The following KPNA3 variants were observed in gnomAD, a reference collection of about 807,000 sequenced individuals.
KPNA3 encodes the protein importin subunit alpha-4.
KPNA3 carries 13 observed loss-of-function variants against 73.8 expected under a neutral mutation model. The ratio of observed to expected loss-of-function variants is 0.18; its 90% CI spans 0.11 to 0.28. The LOEUF (loss-of-function observed/expected upper bound fraction) is 0.28, where lower values mean the gene tolerates loss of function less well. Ranked by LOEUF, KPNA3 falls within the 10% of genes least tolerant of loss-of-function variation. The probability of loss-of-function intolerance (pLI) is 1.00; values close to 1 mark genes in which losing one functional copy is unlikely to be tolerated. For synonymous variants in KPNA3, 186 were observed against 206.9 expected, an observed-to-expected ratio of 0.90 and a Z score of 0.87; for missense variants, 360 against 618.1, an observed-to-expected ratio of 0.58 and a Z score of 4.43.
chr13:49,705,887 C>T (rs1954203162), intron 14 of KPNA3, 104 bp from the exon 15 acceptor site: 2 of 1,145,302 alleles, frequency 1.7e-6, no homozygotes, highest in African/African-American at 1.6e-5. Context: ...ATCTTGAGCC[C>T]AGGAGTTGGA....
intron 1 of KPNA3, among the ~76,000 whole-genome samples, chr13:49,753,470 A>G (rs1299901904): frequency 1.3e-5 from 2 of 152,246 alleles, no homozygotes; most frequent in Non-Finnish European, 2.9e-5. Context: ...TGAAGAATCT[A>G]ATAGAGAATG....
intron 15 of KPNA3, among the ~76,000 whole-genome samples, chr13:49,703,147 C>T (rs1243763719): frequency 2.1e-5 from 3 of 144,720 alleles, no homozygotes; most frequent in South Asian, 2.2e-4. Context: ...GGATTACAGG[C>T]GTGAGCCACT....
intron 6 of KPNA3, among the ~76,000 whole-genome samples, chr13:49,729,933 T>C (rs1465936483): frequency 6.6e-6 from 1 of 152,222 alleles, no homozygotes; most frequent in East Asian, 1.9e-4. Flanking sequence ...TGGATTTTTA[T>C]CAACAGCAAA....
intron 1 of KPNA3, among the ~76,000 whole-genome samples, chr13:49,768,515 C>A (rs896037387): frequency 1.4e-5 from 2 of 140,186 alleles, no homozygotes; most frequent in African/African-American, 5.4e-5. Context: ...TTGATCATCT[C>A]GTTTGTTTTT....
rs191311787 is a variant in KPNA3, at chr13:49,763,925, G to T, written c.70-16932C>A. Among the ~76,000 whole-genome samples, 10 of 152,204 alleles carry T rather than the reference G, an allele frequency of 6.6e-5. No homozygotes were observed. The East Asian group carries it at 1.7e-3, about 26-fold the overall frequency. ...CAAAAAGATTTTTAAAAATTAGCTG[G>T]GTGTGGTGCTGTGCACCTGGAGTCT... On this transcript the variant is annotated intron_variant, in intron 1 of 16. Coordinates refer to ENST00000261667, the MANE Select transcript of KPNA3 (RefSeq NM_002267.4).
At chr13:49,764,918 C>G (rs201594102) in intron 1 of KPNA3, among the ~76,000 whole-genome samples, 1 of 152,328 alleles carries the variant, frequency 6.6e-6, no homozygotes, top group South Asian at 2.1e-4. Flanking sequence ...ACATTATCAG[C>G]AACCTTCTAT....
At chr13:49,742,360 A>G (rs1440029935) in intron 2 of KPNA3, among the ~76,000 whole-genome samples, 2 of 140,816 alleles carry the variant, frequency 1.4e-5, no homozygotes, top group African/African-American at 4.9e-5. Context: ...TACTTGTAGT[A>G]GGACCAAAAA....
At chr13:49,732,533 T>C (rs1954479674) in intron 5 of KPNA3, 67 bp from the exon 6 acceptor site, 2 of 1,448,250 alleles carry the variant, frequency 1.4e-6, no homozygotes, top group Non-Finnish European at 1.9e-6. Flanking sequence ...TAACAACATA[T>C]TAACTTCTAG....
chr13:49,776,335 A>G (rs981310572), intron 1 of KPNA3, among the ~76,000 whole-genome samples: 9 of 152,240 alleles, frequency 5.9e-5, no homozygotes, highest in African/African-American at 2.2e-4. Context: ...AGTCCCTGAC[A>G]GTAACTTTAA....
At position 49,792,453 on chromosome 13, in the gene KPNA3, C is replaced by T. The variant is rs779399471; in HGVS notation, c.54G>A (p.Lys18=). ...ENHRIKSFKN[K]GRDVETMRRH... ...GCACACTCACTTCCACATCGCGGCC[C>T]TTGTTCTTGAAGCTCTTGATGCGGT... The change falls in exon 1 of 17, where the codon AAG becomes AAA. Residue 18 remains lysine, a synonymous_variant. Transcript: ENST00000261667. 1.3e-6 allele frequency: 2 copies of T among 1,580,340 alleles called. No individual in the cohort carries two copies. Among genetic ancestry groups the T allele is most frequent in the Admixed American group, 1.8e-5 (1 of 56,650 alleles).
intron 1 of KPNA3, among the ~76,000 whole-genome samples, chr13:49,782,482 G>A (rs1344301469): frequency 6.6e-6 from 1 of 152,110 alleles, no homozygotes; most frequent in Non-Finnish European, 1.5e-5. Context: ...CTAGCCATAT[G>A]CTTAAGTATC....
At chr13:49,779,951 A>C (rs1201318203) in intron 1 of KPNA3, among the ~76,000 whole-genome samples, 1 of 151,986 alleles carries the variant, frequency 6.6e-6, no homozygotes, top group East Asian at 1.9e-4. Flanking sequence ...CTCCTCCCTA[A>C]GTTCTTATAC....
chr13:49,699,583 C>T lies in KPNA3; in HGVS notation c.*2217G>A, dbSNP rs1278322091. 1 of 152,560 alleles carries T rather than the reference C, an allele frequency of 6.6e-6. No individual in the cohort carries two copies. Among genetic ancestry groups the T allele is most frequent in the Non-Finnish European group, 1.5e-5 (1 of 68,032 alleles). The allele number at this position is 152,560 out of a possible 1,614,324, so 9.5% of individuals were successfully genotyped here. On this transcript the variant is annotated 3_prime_UTR_variant, in exon 17 of 17. Coordinates refer to ENST00000261667, the MANE Select transcript of KPNA3 (RefSeq NM_002267.4). Reference sequence around the variant, plus strand: ...ACAAATTGAATCAAGGAAATGCATACAAGTGTCTGCACTACTTGATGCTAA... The same window carrying T: ...ACAAATTGAATCAAGGAAATGCATATAAGTGTCTGCACTACTTGATGCTAA...
At chr13:49,761,214 C>T (rs1954756541) in intron 1 of KPNA3, among the ~76,000 whole-genome samples, 1 of 151,832 alleles carries the variant, frequency 6.6e-6, no homozygotes, top group Admixed American at 6.6e-5. Context: ...CTCCCTCTCC[C>T]TCTCCCCACG....
At chr13:49,770,608 T>G (rs4643206) in intron 1 of KPNA3, among the ~76,000 whole-genome samples, 828 of 113,950 alleles carry the variant, frequency 7.3e-3, no homozygotes, top group Middle Eastern at 0.015. Flanking sequence ...GTGCCAAGGT[T>G]ACAAAGATCT....
chr13:49,773,905 C>T (rs1954875459), intron 1 of KPNA3, among the ~76,000 whole-genome samples: 1 of 151,892 alleles, frequency 6.6e-6, no homozygotes, highest in African/African-American at 2.4e-5. Context: ...CAATACTATC[C>T]CATTCATAGT....
intron 6 of KPNA3, among the ~76,000 whole-genome samples, chr13:49,731,945 CA>C (rs1219865531): frequency 6.6e-6 from 1 of 152,184 alleles, no homozygotes; most frequent in African/African-American, 2.4e-5. Flanking sequence ...GATCAGTAAT[CA>C]GCTGGAAGAT....
intron 1 of KPNA3, among the ~76,000 whole-genome samples, chr13:49,753,044 A>AG (rs1367264290): frequency 1.3e-5 from 2 of 150,078 alleles, no homozygotes; most frequent in Non-Finnish European, 3.0e-5. Flanking sequence ...AAAAAAAAAA[A>AG]AAAAAAAAAG....
chr13:49,768,217 T>C (rs1343247851), intron 1 of KPNA3, among the ~76,000 whole-genome samples: 1 of 145,158 alleles, frequency 6.9e-6, no homozygotes, highest in Non-Finnish European at 1.5e-5. Context: ...AGGCTGAAGC[T>C]GCAGTGAGCC....
Sources: gnomAD v4.1 joint callset for allele counts (sites outside exome capture counted in the v4.1 genomes callset) on GRCh38, gnomAD v4.1.1 for gene constraint, MANE v1.5 for transcripts, NCBI Gene and HGNC (gene_info 2026-07-23, HGNC 2026-07-21) for gene names.